Variants in NEB observed in about 807,000 individuals in gnomAD.
NEB encodes nebulin.
A neutral mutation model predicts 952.2 loss-of-function variants in NEB; 512 were observed. The observed-to-expected ratio is 0.54, with a 90% CI of 0.50 to 0.58. The LOEUF (loss-of-function observed/expected upper bound fraction) is 0.58. Ranked by LOEUF, NEB falls within the 20% of genes least tolerant of loss-of-function variation. NEB has a pLI of 0.00. For missense variants in NEB, 8,428 were observed against 9,231.1 expected (o/e 0.91, Z 3.56); for synonymous variants, 2,900 against 3,149.8 (o/e 0.92, Z 2.66).
rs780337761 is a variant in NEB, at chr2:151,527,531, C to T, written c.21790G>A (p.Asp7264Asn). 5 of 1,613,470 alleles carry T rather than the reference C, an allele frequency of 3.1e-6. No individual in the cohort carries two copies. Residue 7264 changes from aspartate to asparagine, a missense_variant, in exon 147 of 182, where the codon GAC (aspartate) becomes AAC (asparagine). By Grantham distance (23) the Asp-to-Asn change is conservative. Coordinates refer to ENST00000397345, the MANE Select transcript of NEB (RefSeq NM_001164508.2). ...ANKAHWKWTP[D>N]RPDFLQAAKS... ...GCAGCCTGGAGGAAGTCCGGTCGGT[C>T]AGGAGTCCACTTCCAGTGGGCTTTG...
chr2:151,528,296 C>T (rs1485272792), intron 146 of NEB, among the ~76,000 whole-genome samples: 2 of 152,224 alleles, frequency 1.3e-5, no homozygotes, highest in Non-Finnish European at 2.9e-5. Flanking sequence ...TTTCTTTCCT[C>T]ATTCTTTCTC....
chr2:151,625,488 A>G, intron 71 of NEB, 46 bp downstream of exon 71: 1 of 1,384,456 alleles, frequency 7.2e-7, no homozygotes, highest in Non-Finnish European at 1.0e-6. Context: ...CTACATCGGC[A>G]ACAATCAATG....
intron 142 of NEB, among the ~76,000 whole-genome samples, chr2:151,534,027 C>T (rs890999886): frequency 6.6e-6 from 1 of 152,208 alleles, no homozygotes; most frequent in Non-Finnish European, 1.5e-5. Context: ...CAAGTGAGAA[C>T]ACAGAGCATG....
rs374929094 is a variant in NEB, at chr2:151,561,203, C to G, written c.19101+5G>C. 1.2e-6 allele frequency: 2 copies of G among 1,600,986 alleles called. No homozygotes were observed. The highest frequency in any genetic ancestry group is 2.2e-5 in the South Asian group (2 of 89,598). ...TCCCTGGAAGAGGAGTACAGGAAGA[C>G]GCACCTCACTGGCATTAATGCCACT... is the stretch of plus-strand genomic sequence containing the variant. On this transcript the variant is annotated splice_donor_5th_base_variant and intron_variant, in intron 122 of 181. Transcript: ENST00000397345.
chr2:151,702,284 A>ACTCCTC (rs2099675792), intron 13 of NEB, among the ~76,000 whole-genome samples: 1 of 151,968 alleles, frequency 6.6e-6, no homozygotes, highest in Non-Finnish European at 1.5e-5. Context: ...CTTTACTTCC[A>ACTCCTC]AGTATGTGGT....
At chr2:151,662,103 C>A (rs776694633) in intron 46 of NEB, 32 bp downstream of exon 46, 1 of 1,550,036 alleles carries the variant, frequency 6.5e-7, no homozygotes, top group South Asian at 1.2e-5. Context: ...CTCTCTGATG[C>A]ATATGAAACA....
chr2:151,506,815 T>C (rs1447010050), intron 163 of NEB, 94 bp downstream of exon 163: 12 of 824,368 alleles, frequency 1.5e-5, no homozygotes, highest in Non-Finnish European at 2.0e-5. Context: ...GGTTAGATGT[T>C]AATTGTGTGT....
Position 151,531,044 on chromosome 2 carries a change from C to T in NEB, c.21580G>A (p.Asp7194Asn), listed in dbSNP as rs1254771902. ...CGGACATGCAGCAACATGGGTGTGT[C>T]GTGGATTGTGGTGTAGCCTCTGGGT... ...AKPRGYTTIH[D>N]TPMLLHVRKV... Residue 7194 changes from aspartate to asparagine, a missense_variant, in exon 145 of 182, where the codon GAC becomes AAC. By Grantham distance (23) the Asp-to-Asn change is conservative. Around this residue, in one of 11 missense-constraint regions of NEB, gnomAD observed 3,374 missense variants for 3,651.5 expected, o/e 0.92. Transcript: ENST00000397345. The T allele has an allele frequency of 3.7e-6, 6 of 1,613,412 alleles. No individual in the cohort carries two copies. The highest frequency in any genetic ancestry group is 1.6e-4 in the Middle Eastern group (1 of 6,082).
Position 151,725,444 on chromosome 2 carries a change from G to A in NEB, c.402+9C>T. 6.2e-7 allele frequency: 1 copy of A among 1,606,426 alleles called. No homozygotes were observed. Among genetic ancestry groups the A allele is most frequent in the Non-Finnish European group, 8.5e-7 (1 of 1,174,144 alleles). ...TGTCCCTCTCCTTTATTTCAGCAATGCAGCCCACCTCACTGAGTTGATCTT... is the reference window on the plus strand; with the variant it reads ...TGTCCCTCTCCTTTATTTCAGCAATACAGCCCACCTCACTGAGTTGATCTT... On this transcript the variant is annotated intron_variant, in intron 6 of 181. Transcript: ENST00000397345.
chr2:151,713,014 G>A (rs982251719), intron 10 of NEB, among the ~76,000 whole-genome samples: 1 of 152,110 alleles, frequency 6.6e-6, no homozygotes, highest in Non-Finnish European at 1.5e-5. Flanking sequence ...TTTAACAGAG[G>A]AATGTATGTC....
intron 29 of NEB, among the ~76,000 whole-genome samples, 192 bp downstream of exon 29, chr2:151,682,470 A>G (rs1361279407): frequency 6.6e-6 from 1 of 152,232 alleles, no homozygotes; most frequent in Admixed American, 6.5e-5. Flanking sequence ...TCTGTAAGGA[A>G]TGGTTAACAT....
In NEB at chr2:151,502,775, TGGCCCCC is replaced by T; in HGVS notation, c.23928+11_23928+17del. 7.1e-7 allele frequency: 1 copy of T among 1,404,420 alleles called. No individual in the cohort carries two copies. Among genetic ancestry groups the T allele is most frequent in the Non-Finnish European group, 1.0e-6 (1 of 994,548 alleles). The allele number at this position is 1,404,420 out of a possible 1,614,324, so 87.0% of individuals were successfully genotyped here. The stretch of plus-strand genomic sequence containing the variant: ...TAAAATTAAGGGATTTTTTTTTTTT[TGGCCCCC>T]TAAGAAATACCGAGCTAAAGTTCTC... On this transcript the variant is annotated intron_variant, in intron 167 of 181. Coordinates refer to ENST00000397345, the MANE Select transcript of NEB (RefSeq NM_001164508.2).
rs374486286 is a variant in NEB, at chr2:151,614,565, C to T, written c.11312G>A (p.Arg3771His). The change falls in exon 77 of 182, where the codon CGC becomes CAC. Residue 3771 changes from arginine to histidine, a missense_variant. By Grantham distance (29) the Arg-to-His change is conservative. Transcript: ENST00000397345. ...CCCAATATGGTGGCCAAGCTGTTTG[C>T]GGTAGCCTTCCTTGTACTTGTACTA... ...ASDYKYKEGYRKQLGHHIGAR... is the reference protein window; with the variant it reads ...ASDYKYKEGYHKQLGHHIGAR... The T allele has an allele frequency of 6.2e-6, 10 of 1,613,402 alleles. No homozygotes were observed. In the East Asian group the frequency reaches 1.1e-4, roughly 18 times the overall value.
In NEB at chr2:151,581,527, G is replaced by C. The variant is rs1190797981; in HGVS notation, c.16240C>G (p.Pro5414Ala). 1.7e-6 allele frequency: 2 copies of C among 1,194,244 alleles called. No homozygotes were observed. Among genetic ancestry groups the C allele is most frequent in the African/African-American group, 1.9e-5 (1 of 51,390 alleles). 74.0% of individuals were successfully genotyped at this position (1,194,244 alleles called of 1,614,324 possible). Residue 5414 changes from proline (P) to alanine (A), a missense_variant, in exon 103 of 182, where the codon CCC becomes GCC. Pro to Ala is a conservative substitution (Grantham distance 27, BLOSUM62 -1). Around this residue, in one of 11 missense-constraint regions of NEB, gnomAD observed 40 missense variants for 61.2 expected, o/e 0.65. Coordinates refer to ENST00000397345, the MANE Select transcript of NEB (RefSeq NM_001164508.2). The part of the protein sequence containing the change: ...KANVNVPADT[P>A]LMLQSKINAL... ...TTGATTTTGGATTGCAGCATCAGGG[G>C]AGTGTCAGCTGGCACGTTCACATTA... is the stretch of plus-strand genomic sequence containing the variant.
At chr2:151,658,915 A>G in intron 47 of NEB, 150 bp downstream of exon 47, 1 of 721,716 alleles carries the variant, frequency 1.4e-6, no homozygotes, top group East Asian at 2.8e-5. Context: ...CCAACTCCGC[A>G]AAGCAAAATT....
intron 125 of NEB, among the ~76,000 whole-genome samples, chr2:151,554,585 A>G (rs1409791039): frequency 1.3e-5 from 2 of 152,198 alleles, no homozygotes; most frequent in Non-Finnish European, 2.9e-5. Flanking sequence ...AAATGTTCCT[A>G]TTAATAATAC....
At chr2:151,613,294 A>G (rs1012071669) in intron 77 of NEB, among the ~76,000 whole-genome samples, 3 of 152,222 alleles carry the variant, frequency 2.0e-5, no homozygotes, top group African/African-American at 7.2e-5. Flanking sequence ...CATATGTATA[A>G]TTCATTTTTA....
chr2:151,717,460 G>C lies in NEB; in HGVS notation c.778C>G (p.Pro260Ala), dbSNP rs1425616065. 11 of 1,613,824 alleles carry C rather than the reference G, an allele frequency of 6.8e-6. No homozygotes were observed. Among genetic ancestry groups the C allele is most frequent in the Non-Finnish European group, 9.3e-6 (11 of 1,179,856 alleles). The stretch of plus-strand genomic sequence containing the variant: ...ACTTTCTTGGCAAATTCTATATCTG[G>C]AGGATCAGCCAGAGGCGTGAATTGA... ...QAQFTPLADP[P>A]DIEFAKKVTN... Residue 260 changes from proline (P) to alanine (A), a missense_variant, in exon 10 of 182, where the codon CCA becomes GCA. Around this residue, in one of 11 missense-constraint regions of NEB, gnomAD observed 2,851 missense variants for 2,791.5 expected, o/e 1.02. Coordinates refer to ENST00000397345, the MANE Select transcript of NEB (RefSeq NM_001164508.2).
intron 109 of NEB, among the ~76,000 whole-genome samples, 187 bp from the exon 110 acceptor site, chr2:151,569,559 A>G (rs928071034): frequency 7.2e-5 from 11 of 152,222 alleles, no homozygotes; most frequent in South Asian, 2.1e-4. Flanking sequence ...ACGATAGCAT[A>G]TATTTTTATT....
Sources: allele counts gnomAD v4.1 joint callset (sites outside exome capture counted in the v4.1 genomes callset), GRCh38; gene constraint gnomAD v4.1.1; regional missense constraint gnomAD v4.1.1; transcripts MANE v1.5; gene names NCBI Gene and HGNC (gene_info 2026-07-23, HGNC 2026-07-21).